Variants in MARCHF6 observed in about 807,000 individuals in gnomAD.
MARCHF6 encodes the protein E3 ubiquitin-protein ligase MARCHF6.
In MARCHF6, 31 loss-of-function variants were observed where a neutral mutation model predicts 133.7. That is an observed-to-expected ratio of 0.23 (90% CI 0.17 to 0.31). The LOEUF is 0.31. Ranked by LOEUF, MARCHF6 falls within the 10% of genes least tolerant of loss-of-function variation. The pLI, the probability that MARCHF6 is intolerant of heterozygous loss-of-function variation, is 1.00. For synonymous variants in MARCHF6, 395 were observed against 402.5 expected (o/e 0.98, Z 0.22); for missense variants, 723 against 1,121.6 (o/e 0.64, Z 5.08).
At position 10,405,568 on chromosome 5, in the gene MARCHF6, C is replaced by A; in HGVS notation, c.1343C>A (p.Pro448His). The change falls in exon 16 of 26, where the codon CCT becomes CAT. Residue 448 changes from proline to histidine, a missense_variant. Pro to His is a moderately conservative substitution (Grantham distance 77, BLOSUM62 -2). Coordinates refer to ENST00000274140, the MANE Select transcript of MARCHF6 (RefSeq NM_005885.4). ...AAAATATATTTGCAGGTACTTCGAC[C>A]TGGTGTCCTGTGGTTTCTAAGGAAT... ...FILLLREVLR[P>H]GVLWFLRNLN... 1 of 1,598,070 alleles carries A rather than the reference C, an allele frequency of 6.3e-7. No individual in the cohort carries two copies. The highest frequency in any genetic ancestry group is 1.1e-5 in the South Asian group (1 of 87,124).
At position 10,353,892 on chromosome 5, in the gene MARCHF6, A is replaced by G. The variant is rs780018356; in HGVS notation, c.-7A>G. 4.5e-6 allele frequency: 7 copies of G among 1,564,328 alleles called. No homozygotes were observed. The highest frequency in any genetic ancestry group is 6.0e-6 in the Non-Finnish European group (7 of 1,159,658). On this transcript the variant is annotated 5_prime_UTR_variant, in exon 1 of 26. Transcript: ENST00000274140. ...GTGGCTGCGTCACCGCCGCCCCCCC[A>G]GACAAGATGGACACCGCGGAGGAAG...
chr5:10,412,517 A>G (rs931573856), intron 19 of MARCHF6, among the ~76,000 whole-genome samples: 3 of 152,194 alleles, frequency 2.0e-5, no homozygotes, highest in Non-Finnish European at 2.9e-5. Context: ...CATTCCAGGA[A>G]TATGTCAGGA....
chr5:10,407,778 AC>A (rs1266072611), intron 17 of MARCHF6, among the ~76,000 whole-genome samples: 1 of 152,160 alleles, frequency 6.6e-6, no homozygotes, highest in East Asian at 1.9e-4. Flanking sequence ...ACATGGAGAA[AC>A]CCTGTCTCTA....
At chr5:10,417,599 C>A (rs1221887483) in intron 22 of MARCHF6, 195 bp downstream of exon 22, 2 of 606,892 alleles carry the variant, frequency 3.3e-6, no homozygotes, top group South Asian at 2.0e-5. Context: ...TTGGCTCATG[C>A]GTCTGGTCCC....
Position 10,402,385 on chromosome 5 carries a change from G to A in MARCHF6, c.1055G>A (p.Gly352Asp), listed in dbSNP as rs1738596062. ...LLAITLIICHGLATLVKFHRS... is the reference protein window; with the variant it reads ...LLAITLIICHDLATLVKFHRS... ...TTTTTCCTTGACCTGATGCTGTAGG[G>A]CTTGGCAACTCTTGTGAAATTTCAT... The change falls in exon 13 of 26, where the codon GGC becomes GAC. Residue 352 changes from glycine to aspartate, a missense_variant and splice_region_variant. Physicochemically the swap from Gly to Asp is moderately conservative, Grantham distance 94. Around this residue, in one of 4 missense-constraint regions of MARCHF6, gnomAD observed 492 missense variants for 699.5 expected, o/e 0.70. Coordinates refer to ENST00000274140, the MANE Select transcript of MARCHF6 (RefSeq NM_005885.4). 6.2e-7 allele frequency: 1 copy of A among 1,613,678 alleles called. No individual in the cohort carries two copies. Among genetic ancestry groups the A allele is most frequent in the African/African-American group, 1.3e-5 (1 of 74,898 alleles).
chr5:10,407,953 T>TCCCC lies in MARCHF6; in HGVS notation c.1553+760_1553+763dup, dbSNP rs11349150. Among the ~76,000 whole-genome samples the TCCCC allele has an allele frequency of 3.1e-4, 25 of 81,906 alleles. 3 individuals are homozygous for TCCCC. The highest frequency in any genetic ancestry group is 1.4e-3 in the African/African-American group (25 of 18,504). 53.7% of individuals were successfully genotyped at this position (81,906 alleles called of 152,430 possible). A position where few individuals can be genotyped will look rare whatever the true frequency, so the allele number is the denominator to read the frequency against. ...CTTGGGCAACAAGAGTGAAACTGCA[T>TCCCC]CCCCCCCCCCCCAAAAAAAAAAGCC... On this transcript the variant is annotated intron_variant, in intron 17 of 25. Transcript: ENST00000274140.
intron 1 of MARCHF6, among the ~76,000 whole-genome samples, chr5:10,364,262 T>G (rs554408089): frequency 6.6e-6 from 1 of 152,174 alleles, no homozygotes; most frequent in Non-Finnish European, 1.5e-5. Flanking sequence ...GGTACACCAC[T>G]TCTTCTGGGG....
In MARCHF6 at chr5:10,381,873, T is replaced by C. The variant is rs145894999; in HGVS notation, c.264T>C (p.Thr88=). Residue 88 remains threonine, a synonymous_variant, in exon 4 of 26, where the codon ACT becomes ACC. Transcript: ENST00000274140. ...CTGGACTGGTTACAAGTATTGGCAC[T>C]GCAATACGATATTGGTTTCATTATA... ...IFAGLVTSIG[T]AIRYWFHYTL... 6.2e-7 allele frequency: 1 copy of C among 1,610,966 alleles called. No individual in the cohort carries two copies. The highest frequency in any genetic ancestry group is 8.5e-7 in the Non-Finnish European group (1 of 1,177,314).
intron 16 of MARCHF6, among the ~76,000 whole-genome samples, chr5:10,406,889 G>A (rs1431185081): frequency 6.6e-6 from 1 of 152,116 alleles, no homozygotes; most frequent in Non-Finnish European, 1.5e-5. Flanking sequence ...TTGTGTCCTA[G>A]ATGGGAGGTC....
chr5:10,394,960 C>A (rs570236531), intron 9 of MARCHF6, among the ~76,000 whole-genome samples, 175 bp downstream of exon 9: 127 of 152,120 alleles, frequency 8.3e-4, no homozygotes, highest in African/African-American at 2.9e-3. Flanking sequence ...CCACCATGCC[C>A]GGCTAATTTT....
intron 1 of MARCHF6, among the ~76,000 whole-genome samples, chr5:10,372,002 G>C (rs372695818): frequency 6.6e-6 from 1 of 151,298 alleles, no homozygotes; most frequent in African/African-American, 2.4e-5. Context: ...GTGTGCTCCT[G>C]TAATGCCCAC....
chr5:10,359,435 A>G (rs1009420216), intron 1 of MARCHF6, among the ~76,000 whole-genome samples: 1 of 152,160 alleles, frequency 6.6e-6, no homozygotes, highest in Non-Finnish European at 1.5e-5. Flanking sequence ...AATACAGTAT[A>G]TAATATTACA....
At chr5:10,426,214 C>G (rs1740076533) in intron 23 of MARCHF6, among the ~76,000 whole-genome samples, 176 bp from the exon 24 acceptor site, 1 of 152,186 alleles carries the variant, frequency 6.6e-6, no homozygotes, top group African/African-American at 2.4e-5. Flanking sequence ...TACATTTCTT[C>G]AGAAACTCGT....
intron 1 of MARCHF6, among the ~76,000 whole-genome samples, chr5:10,376,227 C>G (rs1203214199): frequency 1.3e-5 from 2 of 152,164 alleles, no homozygotes; most frequent in Admixed American, 6.5e-5. Context: ...TAACACTCAC[C>G]GTGAAGATCT....
Position 10,415,689 on chromosome 5 carries a change from G to A in MARCHF6, c.2148+20G>A, listed in dbSNP as rs1322122294. 3 of 1,581,310 alleles carry A rather than the reference G, an allele frequency of 1.9e-6. No individual in the cohort carries two copies. Among genetic ancestry groups the A allele is most frequent in the African/African-American group, 2.7e-5 (2 of 74,420 alleles). The stretch of plus-strand genomic sequence containing the variant: ...CTCATGGTATGTGTGTGTAATACAA[G>A]ACTGATCTTGTATGTTAGGAATAGT... On this transcript the variant is annotated intron_variant, in intron 21 of 25. Transcript: ENST00000274140.
At position 10,425,982 on chromosome 5, in the gene MARCHF6, C is replaced by A. The variant is rs150083338; in HGVS notation, c.2374-408C>A. Reference sequence around the variant, plus strand: ...GCTTCCTGCTTCAGTGTTTTCTCATCATACTCAGATAAAATGAATGCAATA... The same window carrying A: ...GCTTCCTGCTTCAGTGTTTTCTCATAATACTCAGATAAAATGAATGCAATA... On this transcript the variant is annotated intron_variant, in intron 23 of 25. Transcript: ENST00000274140. 8.0e-4 allele frequency among the ~76,000 whole-genome samples: 122 copies of A among 152,272 alleles called. No homozygotes were observed. The East Asian group carries it at 0.02, about 25-fold the overall frequency.
Position 10,354,419 on chromosome 5 carries a change from C to G in MARCHF6, c.19+502C>G, listed in dbSNP as rs115510353. Among the ~76,000 whole-genome samples, 1,198 of 152,298 alleles carry G rather than the reference C, an allele frequency of 7.9e-3. 14 individuals carry two copies. Among genetic ancestry groups the G allele is most frequent in the Non-Finnish European group, 0.012 (791 of 68,020 alleles). ...ACGGCCGAGTGGAGTGAGCTGACCC[C>G]TGTTGAAAAGCCTGGTCCTCGGCTT... On this transcript the variant is annotated intron_variant, in intron 1 of 25. Transcript: ENST00000274140.
At chr5:10,372,216 T>C (rs1375544166) in intron 1 of MARCHF6, among the ~76,000 whole-genome samples, 2 of 152,124 alleles carry the variant, frequency 1.3e-5, no homozygotes, top group African/African-American at 4.8e-5. Context: ...TTTCCTTATA[T>C]TTGTTTTTCT....
intron 20 of MARCHF6, 90 bp downstream of exon 20, chr5:10,414,592 G>C: frequency 1.9e-6 from 2 of 1,043,654 alleles, no homozygotes; most frequent in Non-Finnish European, 2.9e-6. Flanking sequence ...CCCCAGTCTG[G>C]AGGGTAGTAG....
Sources: allele counts gnomAD v4.1 joint callset (sites outside exome capture counted in the v4.1 genomes callset), GRCh38; gene constraint gnomAD v4.1.1; regional missense constraint gnomAD v4.1.1; transcripts MANE v1.5; gene names NCBI Gene and HGNC (gene_info 2026-07-23, HGNC 2026-07-21).